Variants in MACF1 observed in about 807,000 individuals in gnomAD.
MACF1 encodes the protein microtubule-actin cross-linking factor 1.
MACF1 carries 193 observed loss-of-function variants against 854.8 expected under a neutral mutation model. That is an observed-to-expected ratio of 0.23 (90% CI 0.20 to 0.25). The LOEUF is 0.25. MACF1 is among the 10% of genes least tolerant of loss of function. The pLI, the probability that MACF1 is intolerant of heterozygous loss-of-function variation, is 1.00. For missense variants in MACF1, 7,722 were observed against 8,929.1 expected (o/e 0.86, Z 5.45); for synonymous variants, 3,185 against 3,226.7 (o/e 0.99, Z 0.44).
At chr1:39,418,877 G>A (rs929052939) in intron 58 of MACF1, among the ~76,000 whole-genome samples, 1 of 149,984 alleles carries the variant, frequency 6.7e-6, no homozygotes, top group African/African-American at 2.4e-5. Flanking sequence ...AAAAAAAAAT[G>A]CAGTAACAAA....
chr1:39,291,225 C>CAT (rs1645778977), intron 15 of MACF1, among the ~76,000 whole-genome samples: 1 of 152,142 alleles, frequency 6.6e-6, no homozygotes, highest in Non-Finnish European at 1.5e-5. Context: ...GATCCACCTG[C>CAT]CTCAGCCCCC....
rs1644727301 is a variant in MACF1 at position 39,227,249 on chromosome 1, T to C, written c.110-3933T>C. Among the ~76,000 whole-genome samples, 5 of 152,182 alleles carry C rather than the reference T, an allele frequency of 3.3e-5. No individual in the cohort carries two copies. The South Asian group carries it at 1.0e-3, about 31-fold the overall frequency. ...GTTTTTAGATATTGAACTGGATTCTTGTAGGTAACTCAGTTCTGATTTCAT... is the reference window on the plus strand; with the variant it reads ...GTTTTTAGATATTGAACTGGATTCTCGTAGGTAACTCAGTTCTGATTTCAT... On this transcript the variant is annotated intron_variant, in intron 1 of 100. Transcript: ENST00000564288.
At chr1:39,310,798 G>C (rs1185863466) in intron 25 of MACF1, 33 bp from the exon 26 acceptor site, 1 of 1,576,328 alleles carries the variant, frequency 6.3e-7, no homozygotes, top group South Asian at 1.2e-5. Flanking sequence ...CTGATGTCGA[G>C]CTTACTGGTC....
intron 2 of MACF1, among the ~76,000 whole-genome samples, chr1:39,145,338 C>G (rs1450781410): frequency 6.6e-6 from 1 of 152,184 alleles, no homozygotes; most frequent in Non-Finnish European, 1.5e-5. Flanking sequence ...TATCTGTAGG[C>G]TTTACCAGTC....
At chr1:39,258,404 T>C (rs1219343926) in intron 6 of MACF1, among the ~76,000 whole-genome samples, 1 of 152,194 alleles carries the variant, frequency 6.6e-6, no homozygotes, top group Non-Finnish European at 1.5e-5. Flanking sequence ...GAGTGAAGGT[T>C]CATAGTCCTG....
chr1:39,375,021 A>T (rs1307870024), intron 52 of MACF1, among the ~76,000 whole-genome samples: 1 of 146,166 alleles, frequency 6.8e-6, no homozygotes, highest in East Asian at 2.1e-4. Context: ...GAGGCAGGAG[A>T]ATGGCATGAA....
At position 39,315,522 on chromosome 1, in the gene MACF1, G is replaced by T. The variant is rs1247482136; in HGVS notation, c.3280G>T (p.Glu1094Ter). Residue 1094 changes from glutamate (E) to a stop codon, truncating the protein, a stop_gained, in exon 27 of 101, where the codon GAG (glutamate) becomes TAG (stop). Coordinates refer to ENST00000564288, the MANE Select transcript of MACF1 (RefSeq NM_001394062.1). LOFTEE classifies it high-confidence loss of function. ...LRIAEQEHTQ[E>*]DLQQLRSDLD... The stretch of plus-strand genomic sequence containing the variant: ...GTCTTGTTCCTGGCAGCACACCCAG[G>T]AGGATTTACAGCAATTGAGGTCAGA... The T allele has an allele frequency of 6.2e-7, 1 of 1,613,984 alleles. No homozygotes were observed. Among genetic ancestry groups the T allele is most frequent in the Non-Finnish European group, 8.5e-7 (1 of 1,179,948 alleles).
chr1:39,282,842 G>A (rs933454707), intron 7 of MACF1, among the ~76,000 whole-genome samples: 1 of 152,182 alleles, frequency 6.6e-6, no homozygotes, highest in African/African-American at 2.4e-5. Context: ...TTTAGGGACA[G>A]CAGGTGGCTG....
chr1:39,278,932 G>C (rs1645491175), intron 6 of MACF1, among the ~76,000 whole-genome samples: 1 of 152,170 alleles, frequency 6.6e-6, no homozygotes, highest in African/African-American at 2.4e-5. Flanking sequence ...CTTGAGATTG[G>C]TCTATGTGAA....
chr1:39,369,264 C>T (rs544521232), intron 50 of MACF1, among the ~76,000 whole-genome samples: 104 of 152,272 alleles, frequency 6.8e-4, no homozygotes, highest in Non-Finnish European at 1.0e-3. Flanking sequence ...AGCCATGATT[C>T]CTCACTGGAC....
intron 66 of MACF1, among the ~76,000 whole-genome samples, chr1:39,431,344 C>T (rs1448762946): frequency 6.6e-6 from 1 of 152,190 alleles, no homozygotes. Flanking sequence ...ATAGAACCTT[C>T]TCAGTAAACA....
At chr1:39,185,406 G>A (rs1286013800) in intron 2 of MACF1, among the ~76,000 whole-genome samples, 7 of 152,094 alleles carry the variant, frequency 4.6e-5, no homozygotes, top group Non-Finnish European at 1.0e-4. Context: ...CAGGAGGATT[G>A]CTTGAGCCCA....
rs115399293 is a variant in MACF1, at chr1:39,417,151, A to G, written c.15817-5223A>G. Among the ~76,000 whole-genome samples the G allele has an allele frequency of 8.0e-3, 1,213 of 152,348 alleles. 18 individuals carry two copies. Among genetic ancestry groups the G allele is most frequent in the African/African-American group, 0.027 (1,133 of 41,572 alleles). ...TGTATGTATATGTGCAAGTGCAGAC[A>G]TGGATACATGGTTAAAATAGATATA... On this transcript the variant is annotated intron_variant, in intron 58 of 100. Coordinates refer to ENST00000564288, the MANE Select transcript of MACF1 (RefSeq NM_001394062.1).
At position 39,334,058 on chromosome 1, in the gene MACF1, G is replaced by A. The variant is rs111465495; in HGVS notation, c.7470G>A (p.Glu2490=). ...VVQSIDRGLL[E]REEAVRLLTK... Reference sequence around the variant, plus strand: ...AGTCCATTGACAGAGGTCTTTTGGAGAGAGAGGAGGCCGTTCGTTTGTTGA... The same window carrying A: ...AGTCCATTGACAGAGGTCTTTTGGAAAGAGAGGAGGCCGTTCGTTTGTTGA... Residue 2490 remains glutamate, a synonymous_variant, in exon 37 of 101, where the codon GAG becomes GAA. Transcript: ENST00000564288. 162 of 1,614,160 alleles carry A rather than the reference G, an allele frequency of 1.0e-4. No individual in the cohort carries two copies. The African/African-American group carries it at 1.4e-3, about 14-fold the overall frequency.
Position 39,434,534 on chromosome 1 carries a change from C to T in MACF1, c.17686C>T (p.Leu5896Phe), listed in dbSNP as rs751730677. 1.2e-6 allele frequency: 2 copies of T among 1,614,112 alleles called. No homozygotes were observed. Among genetic ancestry groups the T allele is most frequent in the Non-Finnish European group, 1.7e-6 (2 of 1,180,024 alleles). ...VNQFWETYEE[L>F]SPWIEETRAL... is the part of the protein sequence containing the mutation. ...CCAGTTTTGGGAAACTTATGAAGAG[C>T]TCAGCCCCTGGATTGAGGAAACTCG... The change falls in exon 69 of 101, where the codon CTC (leucine) becomes TTC (phenylalanine). Residue 5896 changes from leucine to phenylalanine, a missense_variant. Transcript: ENST00000564288.
intron 50 of MACF1, 133 bp from the exon 51 acceptor site, chr1:39,369,897 C>A: frequency 1.3e-6 from 1 of 772,010 alleles, no homozygotes; most frequent in Non-Finnish European, 2.1e-6. Context: ...GCCAAACCTG[C>A]TATGGAAAAG....
Position 39,354,734 on chromosome 1 carries a change from G to A in MACF1, c.11424+1503G>A, listed in dbSNP as rs551824845. 8.5e-5 allele frequency among the ~76,000 whole-genome samples: 13 copies of A among 152,204 alleles called. No individual in the cohort carries two copies. In the South Asian group the frequency reaches 2.3e-3, roughly 27 times the overall value. ...TCCTACTTTGTAGCATTTCTCATTC[G>A]ATATTGTTTTGTTGTCTGTATTGCC... On this transcript the variant is annotated intron_variant, in intron 44 of 100. Coordinates refer to ENST00000564288, the MANE Select transcript of MACF1 (RefSeq NM_001394062.1).
chr1:39,353,616 G>A (rs895437355), intron 44 of MACF1, among the ~76,000 whole-genome samples: 4 of 151,924 alleles, frequency 2.6e-5, no homozygotes, highest in African/African-American at 7.3e-5. Flanking sequence ...TTTCTGTCCC[G>A]AGCTTCAAAA....
chr1:39,151,730 A>G (rs1401020119), intron 2 of MACF1, among the ~76,000 whole-genome samples: 2 of 151,974 alleles, frequency 1.3e-5, no homozygotes, highest in East Asian at 3.9e-4. Context: ...GTATATCTTT[A>G]TCTGCATTAG....
Sources: allele counts gnomAD v4.1 joint callset (sites outside exome capture counted in the v4.1 genomes callset), GRCh38; gene constraint gnomAD v4.1.1; transcripts MANE v1.5; gene names NCBI Gene and HGNC (gene_info 2026-07-23, HGNC 2026-07-21).